The following STK3 variants were observed in gnomAD, a reference collection of about 807,000 sequenced individuals.
STK3 encodes serine/threonine-protein kinase 3.
A neutral mutation model predicts 58.0 loss-of-function variants in STK3; 41 were observed. The observed-to-expected ratio is 0.71, with a 90% confidence interval of 0.55 to 0.92. The LOEUF is 0.92. Ranked by LOEUF, STK3 falls within the 40% of genes least tolerant of loss-of-function variation. The pLI, the probability that STK3 is intolerant of heterozygous loss-of-function variation, is 0.00. For missense variants in STK3, 479 were observed against 602.7 expected (o/e 0.79, Z 2.15); for synonymous variants, 170 against 191.0 (o/e 0.89, Z 0.91).
intron 4 of STK3, chr8:98,722,803 A>G (rs746149504): frequency 2.5e-6 from 1 of 404,434 alleles, no homozygotes; most frequent in East Asian, 7.2e-5. Context: ...ACTATTTCAA[A>G]ATGGTCAGAT....
upstream of STK3, among the ~76,000 whole-genome samples, chr8:98,393,118 C>T (rs1408087337): frequency 6.6e-6 from 1 of 152,184 alleles, no homozygotes; most frequent in African/African-American, 2.4e-5. Flanking sequence ...AAGGAGAGAG[C>T]ACTCAGGAGG....
intron 10 of STK3, among the ~76,000 whole-genome samples, chr8:98,508,279 T>C (rs1047714441): frequency 6.6e-6 from 1 of 152,212 alleles, no homozygotes; most frequent in Non-Finnish European, 1.5e-5. Context: ...TTAACTATTA[T>C]CATAGGTGGC....
chr8:98,742,086 T>G (rs915357427), intron 4 of STK3, among the ~76,000 whole-genome samples: 1 of 151,948 alleles, frequency 6.6e-6, no homozygotes, highest in African/African-American at 2.4e-5. Flanking sequence ...GTGGCAATAA[T>G]CAATAGCTTA....
intron 3 of STK3, among the ~76,000 whole-genome samples, chr8:98,835,674 CA>C (rs1835720319): frequency 6.6e-6 from 1 of 152,150 alleles, no homozygotes; most frequent in South Asian, 2.1e-4. Context: ...AAGATTTCTG[CA>C]AAGTTCCAGA....
chr8:98,721,345 T>C (rs1244038212), intron 4 of STK3, among the ~76,000 whole-genome samples: 1 of 152,054 alleles, frequency 6.6e-6, no homozygotes, highest in Non-Finnish European at 1.5e-5. Flanking sequence ...TTAGAATACA[T>C]ACAAGGTTCT....
chr8:98,641,159 A>G (rs978466192), intron 6 of STK3, among the ~76,000 whole-genome samples: 35 of 152,236 alleles, frequency 2.3e-4, no homozygotes, highest in African/African-American at 8.2e-4. Flanking sequence ...CTAACATACA[A>G]TGTTTAAGGA....
the STK3 span, among the ~76,000 whole-genome samples, chr8:98,361,134 A>T: frequency 6.6e-6 from 1 of 152,126 alleles, no homozygotes; most frequent in African/African-American, 2.4e-5. Flanking sequence ...CCCCTTCCCA[A>T]CCAGACTGGA....
At chr8:98,638,355 A>G (rs1461505256) in intron 6 of STK3, 2 of 152,222 alleles carry the variant, frequency 1.3e-5, no homozygotes, top group Non-Finnish European at 2.9e-5. Context: ...ATTTAACTGA[A>G]GAATATTATG....
At chr8:98,602,748 G>T (rs1429746600) in intron 6 of STK3, among the ~76,000 whole-genome samples, 1 of 151,996 alleles carries the variant, frequency 6.6e-6, no homozygotes, top group Non-Finnish European at 1.5e-5. Context: ...AACCTCCAAA[G>T]AGAGAAGGGC....
chr8:98,742,850 T>A (rs1264544434), intron 4 of STK3, among the ~76,000 whole-genome samples: 1 of 151,876 alleles, frequency 6.6e-6, no homozygotes. Flanking sequence ...TAGCCCAAAA[T>A]CTCCTTAAGC....
At chr8:98,893,793 G>A (rs926437964) in intron 1 of STK3, among the ~76,000 whole-genome samples, 17 of 152,324 alleles carry the variant, frequency 1.1e-4, no homozygotes, top group African/African-American at 3.4e-4. Context: ...CTGTGCCATG[G>A]AGAAGCTGCA....
intron 6 of STK3, among the ~76,000 whole-genome samples, chr8:98,691,777 C>T (rs1271333557): frequency 6.6e-6 from 1 of 151,822 alleles, no homozygotes; most frequent in Non-Finnish European, 1.5e-5. Context: ...ACTAAAAATA[C>T]AAAAATTAGC....
intron 9 of STK3, among the ~76,000 whole-genome samples, chr8:98,536,115 C>G (rs890457366): frequency 1.8e-4 from 27 of 152,122 alleles, no homozygotes. Context: ...CTGACAACAT[C>G]CCAATCAGGA....
At chr8:98,757,203 CAG>C (rs1830342133) in intron 3 of STK3, among the ~76,000 whole-genome samples, 1 of 150,880 alleles carries the variant, frequency 6.6e-6, no homozygotes, top group Non-Finnish European at 1.5e-5. Flanking sequence ...TTTTTTGAGA[CAG>C]AGTCTCGCTC....
At chr8:98,480,919 T>C (rs1470559513) in intron 10 of STK3, among the ~76,000 whole-genome samples, 1 of 152,204 alleles carries the variant, frequency 6.6e-6, no homozygotes, top group Non-Finnish European at 1.5e-5. Context: ...TGAATCTAAG[T>C]AGTAAATGTT....
chr8:98,874,651 A>G (rs976866890), intron 3 of STK3, among the ~76,000 whole-genome samples: 2 of 152,014 alleles, frequency 1.3e-5, no homozygotes, highest in African/African-American at 4.8e-5. Flanking sequence ...TTTGGAGACA[A>G]GTTCTCCCTC....
rs1384913498 is a variant in STK3 at position 98,458,654 on chromosome 8, G to T, written c.1318-2654C>A. Among the ~76,000 whole-genome samples the T allele has an allele frequency of 3.9e-5, 6 of 152,224 alleles. No individual in the cohort carries two copies. In the South Asian group the frequency reaches 8.3e-4, roughly 21 times the overall value. ...GTGTCTAGGGAGACACCTGGTGGGA[G>T]GTGATTGGATCATGGGGGCAGTTTC... On this transcript the variant is annotated intron_variant, in intron 10 of 10. Transcript: ENST00000419617.
chr8:98,865,939 C>T (rs1364931872), intron 3 of STK3, among the ~76,000 whole-genome samples: 6 of 152,244 alleles, frequency 3.9e-5, no homozygotes, highest in Admixed American at 2.6e-4. Flanking sequence ...TTCCTCCTGG[C>T]CACACAGTCC....
At chr8:98,669,733 G>GT (rs1563871304) in intron 6 of STK3, among the ~76,000 whole-genome samples, 1 of 152,176 alleles carries the variant, frequency 6.6e-6, no homozygotes, top group African/African-American at 2.4e-5. Context: ...GGGTAACAAA[G>GT]TATCAGTCCC....
Sources: allele counts gnomAD v4.1 joint callset (sites outside exome capture counted in the v4.1 genomes callset), GRCh38; gene constraint gnomAD v4.1.1; transcripts MANE v1.5; gene names NCBI Gene and HGNC (gene_info 2026-07-23, HGNC 2026-07-21).